Variants in MTCL1 observed in about 807,000 individuals in gnomAD.
MTCL1 encodes microtubule cross-linking factor 1.
In MTCL1, 79 loss-of-function variants were observed where a neutral mutation model predicts 141.4. The observed-to-expected ratio is 0.56, with a 90% CI of 0.47 to 0.67. The LOEUF is 0.67. MTCL1 is among the 30% of genes least tolerant of loss of function. The pLI, the probability that MTCL1 is intolerant of heterozygous loss-of-function variation, is 0.00. For synonymous variants in MTCL1, 914 were observed against 875.8 expected, an observed-to-expected ratio of 1.04 and a Z score of -0.77; for missense variants, 2,177 against 2,113.9, an observed-to-expected ratio of 1.03 and a Z score of -0.59.
exon 6 of MTCL1, chr18:8,783,701 G>C (rs1171136238): frequency 1.2e-6 from 2 of 1,608,910 alleles, no homozygotes; most frequent in Non-Finnish European, 1.7e-6. Context: ...GGGGGAAGCA[G>C]GCGGGCCCCC....
At chr18:8,737,801 G>T (rs1202919126) in intron 4 of MTCL1, among the ~76,000 whole-genome samples, 3 of 152,148 alleles carry the variant, frequency 2.0e-5, no homozygotes, top group South Asian at 2.1e-4. Flanking sequence ...CTGCAGGACA[G>T]AATCTGCTAC....
At chr18:8,787,909 G>A (rs897862352) in intron 7 of MTCL1, among the ~76,000 whole-genome samples, 7 of 152,288 alleles carry the variant, frequency 4.6e-5, no homozygotes, top group Middle Eastern at 3.4e-3. Context: ...AGCCTGGGTC[G>A]GGAGAGGCCG....
At chr18:8,813,197 G>A in exon 12 of MTCL1, 3 of 1,612,340 alleles carry the variant, frequency 1.9e-6, no homozygotes, top group South Asian at 1.1e-5. Flanking sequence ...AGGAGTGGGA[G>A]CGGCAGAAGA....
chr18:8,809,338 C>T (rs1261659497), intron 11 of MTCL1: 13 of 1,334,812 alleles, frequency 9.7e-6, no homozygotes, highest in East Asian at 2.6e-5. Flanking sequence ...GCATGTCCTC[C>T]GGTTATAAAC....
At chr18:8,789,349 T>C in intron 7 of MTCL1, 1 of 955,818 alleles carries the variant, frequency 1.0e-6, no homozygotes, top group Non-Finnish European at 1.2e-6. Flanking sequence ...CTCCAGAAAA[T>C]GAAGCCATGG....
At chr18:8,796,953 A>G (rs2075947463) in intron 9 of MTCL1, among the ~76,000 whole-genome samples, 1 of 152,188 alleles carries the variant, frequency 6.6e-6, no homozygotes, top group South Asian at 2.1e-4. Context: ...TGGTGAAGTC[A>G]TTATTATTGT....
chr18:8,745,630 C>G (rs1567970214), intron 4 of MTCL1, among the ~76,000 whole-genome samples: 1 of 152,148 alleles, frequency 6.6e-6, no homozygotes, highest in East Asian at 1.9e-4. Flanking sequence ...TTTCCCGGTG[C>G]CCACGTGCAG....
intron 10 of MTCL1, among the ~76,000 whole-genome samples, chr18:8,804,378 C>T (rs2076223329): frequency 6.6e-6 from 1 of 151,636 alleles, no homozygotes; most frequent in Admixed American, 6.6e-5. Flanking sequence ...ATCTCAGCCT[C>T]CTGAGTAGTT....
intron 10 of MTCL1, among the ~76,000 whole-genome samples, chr18:8,801,370 A>G (rs937332262): frequency 6.6e-6 from 1 of 151,362 alleles, no homozygotes; most frequent in East Asian, 1.9e-4. Flanking sequence ...TTACATTTCA[A>G]TTTTGTACGT....
chr18:8,785,678 T>C (rs1362691782), intron 6 of MTCL1: 2 of 477,728 alleles, frequency 4.2e-6, no homozygotes, highest in Non-Finnish European at 7.5e-6. Flanking sequence ...ACTTTCTCTT[T>C]TTGCTTTTCA....
At chr18:8,808,763 T>C (rs1286422435) in intron 11 of MTCL1, among the ~76,000 whole-genome samples, 3 of 152,256 alleles carry the variant, frequency 2.0e-5, no homozygotes. Context: ...CAGACCTTGC[T>C]CTAAATGTTG....
chr18:8,780,448 G>A (rs545612064), intron 5 of MTCL1, among the ~76,000 whole-genome samples: 2 of 152,388 alleles, frequency 1.3e-5, no homozygotes, highest in Non-Finnish European at 2.9e-5. Context: ...GGCTCAAGAA[G>A]GGTGGAGAGT....
At chr18:8,806,946 C>G in exon 11 of MTCL1, 1 of 1,613,766 alleles carries the variant, frequency 6.2e-7, no homozygotes, top group East Asian at 2.2e-5. Flanking sequence ...TGGAGGACTT[C>G]CGTGCGGAGC....
At chr18:8,706,964 C>T (rs2096061503) in intron 1 of MTCL1, 1 of 544,178 alleles carries the variant, frequency 1.8e-6, no homozygotes, top group Admixed American at 3.8e-5. Context: ...TGCGTCTCTT[C>T]GCTGATACTT....
intron 4 of MTCL1, among the ~76,000 whole-genome samples, chr18:8,746,212 CTGTT>C (rs1394463780): frequency 2.0e-5 from 3 of 152,210 alleles, no homozygotes; most frequent in Non-Finnish European, 4.4e-5. Context: ...ATACAAATGT[CTGTT>C]CAAGTCTCAC....
At chr18:8,767,332 T>C (rs1481450867) in intron 4 of MTCL1, among the ~76,000 whole-genome samples, 2 of 152,164 alleles carry the variant, frequency 1.3e-5, no homozygotes, top group Non-Finnish European at 2.9e-5. Context: ...AGTAGATGAT[T>C]TATGGAACCA....
chr18:8,803,551 A>G (rs941372884), intron 10 of MTCL1, among the ~76,000 whole-genome samples: 2 of 152,198 alleles, frequency 1.3e-5, no homozygotes, highest in Admixed American at 1.3e-4. Context: ...GTTGACACAG[A>G]CATCCACTTT....
chr18:8,796,847 G>A (rs796945105), intron 9 of MTCL1, among the ~76,000 whole-genome samples: 32 of 152,328 alleles, frequency 2.1e-4, no homozygotes, highest in African/African-American at 6.7e-4. Context: ...AGAGGCAGGT[G>A]CTGTTGGTTG....
intron 4 of MTCL1, among the ~76,000 whole-genome samples, chr18:8,773,252 C>G (rs951856895): frequency 6.6e-6 from 1 of 152,164 alleles, no homozygotes; most frequent in African/African-American, 2.4e-5. Flanking sequence ...CCCCTGCACC[C>G]CCTGCCATGC....
Sources: gnomAD v4.1 joint callset for allele counts (sites outside exome capture counted in the v4.1 genomes callset) on GRCh38, gnomAD v4.1.1 for gene constraint, MANE v1.5 for transcripts, NCBI Gene and HGNC (gene_info 2026-07-23, HGNC 2026-07-21) for gene names.